Variants in ITPKB observed in about 807,000 individuals in gnomAD.
The protein encoded by ITPKB is inositol-trisphosphate 3-kinase B.
In ITPKB, 13 loss-of-function variants were observed where a neutral mutation model predicts 69.4. That is an observed-to-expected ratio of 0.19 (90% CI 0.12 to 0.30). The LOEUF (loss-of-function observed/expected upper bound fraction) is 0.30, where lower values mean the gene tolerates loss of function less well. ITPKB is among the 10% of genes least tolerant of loss of function. The probability of loss-of-function intolerance (pLI) is 1.00; values close to 1 mark genes in which losing one functional copy is unlikely to be tolerated. For synonymous variants in ITPKB, 584 were observed against 513.7 expected (o/e 1.14, Z -1.85); for missense variants, 1,240 against 1,250.5 (o/e 0.99, Z 0.13).
intron 2 of ITPKB, among the ~76,000 whole-genome samples, chr1:226,712,865 C>A (rs554861959): frequency 6.6e-6 from 1 of 152,204 alleles, no homozygotes; most frequent in South Asian, 2.1e-4. Flanking sequence ...AACACACAAC[C>A]CAGATTAAGC....
Position 226,739,072 on chromosome 1 carries a change from A to G in ITPKB, c.-237T>C, listed in dbSNP as rs1026747662. 1 of 152,222 alleles carries G rather than the reference A, an allele frequency of 6.6e-6. No individual in the cohort carries two copies. Among genetic ancestry groups the G allele is most frequent in the Admixed American group, 6.5e-5 (1 of 15,286 alleles). 9.4% of individuals were successfully genotyped at this position (152,222 alleles called of 1,614,324 possible). ...TTTCTCAGATTCTCAGGTCCTGTGT[A>G]GACTACATGCCCAGAGGCGCAAACC... is the stretch of plus-strand genomic sequence containing the variant. On this transcript the variant is annotated 5_prime_UTR_variant, in exon 1 of 8. Transcript: ENST00000429204.
intron 2 of ITPKB, among the ~76,000 whole-genome samples, chr1:226,728,934 C>A (rs1450467047): frequency 6.6e-6 from 1 of 152,190 alleles, no homozygotes; most frequent in Non-Finnish European, 1.5e-5. Context: ...TTGTTCTTCA[C>A]CTTCCAGATG....
At chr1:226,726,481 A>G (rs545337994) in intron 2 of ITPKB, among the ~76,000 whole-genome samples, 1 of 152,280 alleles carries the variant, frequency 6.6e-6, no homozygotes, top group South Asian at 2.1e-4. Flanking sequence ...ATTCGAGACC[A>G]GCCTGGGCAA....
intron 2 of ITPKB, among the ~76,000 whole-genome samples, chr1:226,701,120 T>C (rs1656626683): frequency 6.6e-6 from 1 of 152,150 alleles, no homozygotes; most frequent in African/African-American, 2.4e-5. Flanking sequence ...TTCAAATGCT[T>C]TTGGCACTCT....
intron 2 of ITPKB, among the ~76,000 whole-genome samples, chr1:226,697,766 G>T (rs1054530166): frequency 4.5e-4 from 69 of 152,300 alleles, no homozygotes; most frequent in Admixed American, 3.9e-3. Flanking sequence ...ATTCTCTAGG[G>T]TCCTCTGCAC....
At chr1:226,700,408 G>A (rs1490657379) in intron 2 of ITPKB, among the ~76,000 whole-genome samples, 1 of 126,380 alleles carries the variant, frequency 7.9e-6, no homozygotes, top group Admixed American at 1.0e-4. Flanking sequence ...GGCGGAGATT[G>A]CAGTGAGCCC....
chr1:226,702,527 G>A (rs1014247157), intron 2 of ITPKB, among the ~76,000 whole-genome samples: 1 of 152,280 alleles, frequency 6.6e-6, no homozygotes, highest in East Asian at 1.9e-4. Context: ...TGGCTATCTG[G>A]TTACAAAGGC....
chr1:226,682,048 T>A (rs995732470), intron 2 of ITPKB, among the ~76,000 whole-genome samples: 4 of 152,134 alleles, frequency 2.6e-5, no homozygotes, highest in Non-Finnish European at 5.9e-5. Flanking sequence ...CACCATCTCA[T>A]CTCCAGTAGT....
intron 2 of ITPKB, among the ~76,000 whole-genome samples, chr1:226,672,085 G>C (rs1218108582): frequency 6.6e-6 from 1 of 152,198 alleles, no homozygotes; most frequent in Non-Finnish European, 1.5e-5. Context: ...TTTTGAAGCT[G>C]CTGTAATTGT....
chr1:226,715,618 C>T (rs568822665), intron 2 of ITPKB, among the ~76,000 whole-genome samples: 1 of 152,244 alleles, frequency 6.6e-6, no homozygotes, highest in Non-Finnish European at 1.5e-5. Flanking sequence ...TCAAATAAAC[C>T]AAACACAAAT....
At chr1:226,662,126 C>T (rs1014571010) in intron 2 of ITPKB, among the ~76,000 whole-genome samples, 1 of 152,122 alleles carries the variant, frequency 6.6e-6, no homozygotes, top group Non-Finnish European at 1.5e-5. Context: ...CCCACCCAAA[C>T]CTCCCCCAGG....
intron 5 of ITPKB, among the ~76,000 whole-genome samples, chr1:226,640,739 C>G (rs1668945278): frequency 6.6e-6 from 1 of 151,848 alleles, no homozygotes; most frequent in Non-Finnish European, 1.5e-5. Context: ...AGTCTCAGAG[C>G]TGGATGCAAA....
In ITPKB at chr1:226,632,708, A is replaced by ATTTTGTTAG. The variant is rs1196873801; in HGVS notation, c.*1962_*1963insCTAACAAAA. 6.2e-4 allele frequency: 95 copies of ATTTTGTTAG among 152,786 alleles called. No individual in the cohort carries two copies. Among genetic ancestry groups the ATTTTGTTAG allele is most frequent in the Non-Finnish European group, 7.3e-5 (5 of 68,036 alleles). 9.5% of individuals were successfully genotyped at this position (152,786 alleles called of 1,614,324 possible). ...TTGCAAACAGCTGGTGTCTGCCTAA[A>ATTTTGTTAG]GTGCTTGGAACATTTTGTTCTCTTA... is the stretch of plus-strand genomic sequence containing the variant. On this transcript the variant is annotated 3_prime_UTR_variant, in exon 8 of 8. Coordinates refer to ENST00000429204, the MANE Select transcript of ITPKB (RefSeq NM_002221.4).
chr1:226,690,223 C>G (rs1656315630), intron 2 of ITPKB, among the ~76,000 whole-genome samples: 2 of 152,208 alleles, frequency 1.3e-5, no homozygotes, highest in Admixed American at 6.5e-5. Flanking sequence ...CTAATTTACA[C>G]TCACACCAAC....
rs1026258036 is a variant in ITPKB at position 226,737,276 on chromosome 1, G to T, written c.183C>A (p.Ala61=). 1 of 1,555,434 alleles carries T rather than the reference G, an allele frequency of 6.4e-7. No homozygotes were observed. The highest frequency in any genetic ancestry group is 1.1e-5 in the South Asian group (1 of 87,220). Residue 61 remains alanine, a synonymous_variant, in exon 2 of 8, where the codon GCC becomes GCA. Coordinates refer to ENST00000429204, the MANE Select transcript of ITPKB (RefSeq NM_002221.4). ...GRGASFLFPP[A]ESLSPEEPRS... ...GGGGCTCCTCGGGGGACAGCGACTC[G>T]GCTGGGGGGAAGAGGAAAGAGGCGC...
chr1:226,648,592 A>C (rs1669108929), intron 3 of ITPKB, 80 bp downstream of exon 3: 2 of 861,214 alleles, frequency 2.3e-6, no homozygotes, highest in Non-Finnish European at 4.0e-6. Flanking sequence ...TGGAGCTTTG[A>C]TCCCCAGAAT....
intron 2 of ITPKB, among the ~76,000 whole-genome samples, chr1:226,655,936 C>T (rs529442100): frequency 3.9e-5 from 6 of 152,314 alleles, no homozygotes; most frequent in African/African-American, 1.2e-4. Flanking sequence ...GCAGCGCACC[C>T]GGGCTCATAT....
chr1:226,702,416 G>A (rs932450136), intron 2 of ITPKB, among the ~76,000 whole-genome samples: 1 of 151,576 alleles, frequency 6.6e-6, no homozygotes, highest in Non-Finnish European at 1.5e-5. Context: ...AAAAAAAAAG[G>A]GAAAGTTCAA....
chr1:226,653,682 G>A (rs1336117799), intron 2 of ITPKB, among the ~76,000 whole-genome samples: 3 of 152,256 alleles, frequency 2.0e-5, no homozygotes, highest in Non-Finnish European at 4.4e-5. Context: ...CCACAACGCA[G>A]GGGTGCCCCT....
Sources: allele counts gnomAD v4.1 joint callset (sites outside exome capture counted in the v4.1 genomes callset), GRCh38; gene constraint gnomAD v4.1.1; transcripts MANE v1.5; gene names NCBI Gene and HGNC (gene_info 2026-07-23, HGNC 2026-07-21).